RANBP2: variants seen among roughly 807,000 people sequenced by gnomAD.
RANBP2 encodes RAN binding protein 2, also known as E3 SUMO-protein ligase RanBP2.
A neutral mutation model predicts 303.6 loss-of-function variants in RANBP2; 57 were observed. That is an observed-to-expected ratio of 0.19 (90% CI 0.15 to 0.23). The LOEUF (loss-of-function observed/expected upper bound fraction) is 0.23. Among genes scored for constraint, RANBP2 ranks in the 10% least tolerant of loss-of-function variants. The pLI is 1.00. For missense variants in RANBP2, 3,138 were observed against 3,780.8 expected (o/e 0.83, Z 4.46); for synonymous variants, 1,167 against 1,301.5 (o/e 0.90, Z 2.23).
At chr2:108,881,433 T>C in the RANBP2 span, among the ~76,000 whole-genome samples, 1 of 152,246 alleles carries the variant, frequency 6.6e-6, no homozygotes, top group Non-Finnish European at 1.5e-5. Context: ...TTTCTCCTTA[T>C]CAGCAATAAG....
chr2:109,103,920 A>AGTAGCTGGG, the RANBP2 span, among the ~76,000 whole-genome samples: 15 of 151,960 alleles, frequency 9.9e-5, no homozygotes, highest in African/African-American at 3.6e-4. Flanking sequence ...CAGCCTCCAA[A>AGTAGCTGGG]GTAGCTGGGA....
At chr2:108,984,880 A>G in the RANBP2 span, among the ~76,000 whole-genome samples, 1 of 152,210 alleles carries the variant, frequency 6.6e-6, no homozygotes, top group Admixed American at 6.5e-5. Context: ...AATGTGCACT[A>G]AAACCAACTT....
At chr2:109,612,072 G>A in the RANBP2 span, among the ~76,000 whole-genome samples, 25,630 of 151,868 alleles carry the variant, frequency 0.17, 2,532 homozygotes, top group South Asian at 0.24. Context: ...GCCAACAACT[G>A]AAAACAACCT....
At chr2:109,199,086 A>G in the RANBP2 span, among the ~76,000 whole-genome samples, 2 of 152,010 alleles carry the variant, frequency 1.3e-5, no homozygotes, top group African/African-American at 2.4e-5. Flanking sequence ...GGGTCCAGGC[A>G]TGGTGGTTCA....
the RANBP2 span, chr2:108,923,355 CAA>C: frequency 1.9e-6 from 3 of 1,613,402 alleles, no homozygotes; most frequent in Admixed American, 3.3e-5. Flanking sequence ...GGTGGAAGGA[CAA>C]AGACACTCAC....
At chr2:108,792,919 C>T in the RANBP2 span, among the ~76,000 whole-genome samples, 1 of 143,766 alleles carries the variant, frequency 7.0e-6, no homozygotes, top group Non-Finnish European at 1.5e-5. Flanking sequence ...AAAAAATTAG[C>T]CAGGCATGGT....
chr2:109,202,954 G>T, the RANBP2 span, among the ~76,000 whole-genome samples: 23 of 152,366 alleles, frequency 1.5e-4, no homozygotes, highest in Admixed American at 4.6e-4. Flanking sequence ...CACAATGGGA[G>T]CTGGTCTTGT....
the RANBP2 span, among the ~76,000 whole-genome samples, chr2:109,284,915 C>A: frequency 6.6e-6 from 1 of 152,236 alleles, no homozygotes; most frequent in South Asian, 2.1e-4. Context: ...TCGTCTGCTT[C>A]CCTGATGACA....
the RANBP2 span, among the ~76,000 whole-genome samples, chr2:108,805,310 T>C: frequency 6.6e-6 from 1 of 152,334 alleles, no homozygotes; most frequent in East Asian, 1.9e-4. Context: ...TCACTACTTA[T>C]TTAACATTCA....
At chr2:108,786,721 C>T (rs10195166), downstream of RANBP2, 11,596 of 1,119,854 alleles carry the variant, frequency 0.01, 733 homozygotes, top group African/African-American at 0.15. Flanking sequence ...GTGCGTGCCT[C>T]GGGGGGGCGG....
the RANBP2 span, among the ~76,000 whole-genome samples, chr2:109,434,188 C>T: frequency 2.6e-5 from 4 of 152,224 alleles, no homozygotes; most frequent in Non-Finnish European, 5.9e-5. Context: ...TGGCACCCTC[C>T]AGGAAGGCGC....
the RANBP2 span, among the ~76,000 whole-genome samples, chr2:108,942,678 G>A: frequency 3.3e-5 from 5 of 152,234 alleles, no homozygotes; most frequent in Admixed American, 1.3e-4. Context: ...GGAGCCCTGC[G>A]GTTCCAGCGC....
chr2:108,782,088 A>C, intron 26 of RANBP2, 40 bp from the exon 27 acceptor site: 1 of 1,599,474 alleles, frequency 6.3e-7, no homozygotes, highest in South Asian at 1.1e-5. Flanking sequence ...GGAATTTATT[A>C]TAAGCAGCAG....
At chr2:109,009,083 T>C in the RANBP2 span, among the ~76,000 whole-genome samples, 1 of 151,914 alleles carries the variant, frequency 6.6e-6, no homozygotes, top group South Asian at 2.1e-4. Context: ...CTCGAGCCTA[T>C]AATCCCAGCA....
At chr2:109,260,463 C>T in the RANBP2 span, among the ~76,000 whole-genome samples, 4 of 152,332 alleles carry the variant, frequency 2.6e-5, no homozygotes, top group African/African-American at 4.8e-5. Context: ...CATCTGCCTC[C>T]CAGTGGCTGT....
At chr2:109,293,760 A>G in the RANBP2 span, among the ~76,000 whole-genome samples, 1 of 152,232 alleles carries the variant, frequency 6.6e-6, no homozygotes, top group Non-Finnish European at 1.5e-5. Flanking sequence ...CCATGTGAAC[A>G]GGGTGCACCC....
At chr2:108,769,684 G>C (rs1395910275) in intron 20 of RANBP2, among the ~76,000 whole-genome samples, 1 of 152,110 alleles carries the variant, frequency 6.6e-6, no homozygotes, top group African/African-American at 2.4e-5. Flanking sequence ...ATATGGAAGA[G>C]TGTCCCTGTA....
the RANBP2 span, among the ~76,000 whole-genome samples, chr2:109,360,200 C>T: frequency 2.6e-5 from 4 of 152,110 alleles, no homozygotes; most frequent in Non-Finnish European, 4.4e-5. Context: ...GCTACTGTGC[C>T]GCTTAGTTAC....
the RANBP2 span, among the ~76,000 whole-genome samples, chr2:109,033,224 A>G: frequency 1.3e-5 from 2 of 152,180 alleles, no homozygotes; most frequent in Admixed American, 6.5e-5. Context: ...TTTTGCATTC[A>G]GCCTCGCTCA....
Sources: allele counts gnomAD v4.1 joint callset (sites outside exome capture counted in the v4.1 genomes callset), GRCh38; gene constraint gnomAD v4.1.1; transcripts MANE v1.5; gene names NCBI Gene and HGNC (gene_info 2026-07-23, HGNC 2026-07-21).